ADGRB3: variants seen among roughly 807,000 people sequenced by gnomAD.
ADGRB3 encodes brain-specific angiogenesis inhibitor 3.
Under a neutral mutation model 193.4 loss-of-function variants are expected in ADGRB3, and 37 were observed. The observed-to-expected ratio is 0.19, with a 90% CI of 0.15 to 0.25. The LOEUF (loss-of-function observed/expected upper bound fraction) is 0.25, where lower values mean the gene tolerates loss of function less well. Ranked by LOEUF, ADGRB3 falls within the 10% of genes least tolerant of loss-of-function variation. The pLI, the probability that ADGRB3 is intolerant of heterozygous loss-of-function variation, is 1.00. For missense variants in ADGRB3, 1,637 were observed against 1,852.9 expected, an observed-to-expected ratio of 0.88 and a Z score of 2.14; for synonymous variants, 690 against 644.2, an observed-to-expected ratio of 1.07 and a Z score of -1.08.
At chr6:69,237,964 G>C (rs960989787) in intron 19 of ADGRB3, among the ~76,000 whole-genome samples, 1 of 152,032 alleles carries the variant, frequency 6.6e-6, no homozygotes, top group Non-Finnish European at 1.5e-5. Context: ...TTTGTTTTGT[G>C]ACCAAAGGGA....
intron 3 of ADGRB3, among the ~76,000 whole-genome samples, chr6:68,848,980 G>A (rs894790727): frequency 3.3e-5 from 5 of 151,866 alleles, no homozygotes; most frequent in African/African-American, 9.7e-5. Context: ...TCCTGAAATT[G>A]GAAGGAATAA....
intron 30 of ADGRB3, among the ~76,000 whole-genome samples, chr6:69,373,799 A>G (rs1364434318): frequency 6.6e-6 from 1 of 152,050 alleles, no homozygotes; most frequent in African/African-American, 2.4e-5. Flanking sequence ...GAAGGAATTA[A>G]CCCACTAGGC....
intron 3 of ADGRB3, among the ~76,000 whole-genome samples, chr6:68,879,333 C>T (rs1765674533): frequency 6.7e-6 from 1 of 148,446 alleles, no homozygotes; most frequent in African/African-American, 2.5e-5. Context: ...TCTGCTGCGT[C>T]AGCCTCCCCA....
At chr6:69,005,222 T>C (rs3799000) in intron 11 of ADGRB3, among the ~76,000 whole-genome samples, 76,611 of 151,104 alleles carry the variant, frequency 0.51, 19,682 homozygotes, top group Middle Eastern at 0.58. Context: ...TAGGCAATAC[T>C]GAGCTCATGC....
chr6:69,206,516 C>T (rs1316144422), intron 17 of ADGRB3, among the ~76,000 whole-genome samples: 1 of 152,054 alleles, frequency 6.6e-6, no homozygotes, highest in Non-Finnish European at 1.5e-5. Context: ...TTATACATAA[C>T]CTTCAGATAA....
At chr6:69,088,107 C>T (rs1772600809) in intron 17 of ADGRB3, among the ~76,000 whole-genome samples, 1 of 152,004 alleles carries the variant, frequency 6.6e-6, no homozygotes, top group Admixed American at 6.6e-5. Context: ...CCTATATGAT[C>T]CATTTCACTT....
intron 20 of ADGRB3, among the ~76,000 whole-genome samples, chr6:69,279,103 A>ATATATATC (rs1554188553): frequency 4.5e-5 from 6 of 134,754 alleles, no homozygotes; most frequent in South Asian, 2.4e-4. Flanking sequence ...ATATATATAT[A>ATATATATC]TATATATATA....
chr6:69,375,422 A>T (rs965779689), intron 30 of ADGRB3, among the ~76,000 whole-genome samples: 1 of 152,074 alleles, frequency 6.6e-6, no homozygotes, highest in Non-Finnish European at 1.5e-5. Context: ...GGCAGAATCT[A>T]TGGAATTTGG....
At chr6:68,868,397 C>CT (rs763543734) in intron 3 of ADGRB3, among the ~76,000 whole-genome samples, 12 of 152,176 alleles carry the variant, frequency 7.9e-5, no homozygotes, top group Non-Finnish European at 1.6e-4. Context: ...AATTAAACCT[C>CT]TTTTCTTTAT....
chr6:69,122,008 ACAGGG>A (rs1232441114), intron 17 of ADGRB3, among the ~76,000 whole-genome samples: 7 of 26,592 alleles, frequency 2.6e-4, no homozygotes, highest in East Asian at 0.013. Flanking sequence ...CACTTCCCAG[ACAGGG>A]TGGCAGCCAG....
At chr6:68,828,191 T>C (rs923204169) in intron 3 of ADGRB3, among the ~76,000 whole-genome samples, 1 of 152,180 alleles carries the variant, frequency 6.6e-6, no homozygotes, top group Non-Finnish European at 1.5e-5. Flanking sequence ...AGGTGCCTTT[T>C]TTTTTTCCTC....
At chr6:68,705,333 G>A (rs1255113736) in intron 3 of ADGRB3, among the ~76,000 whole-genome samples, 2 of 152,168 alleles carry the variant, frequency 1.3e-5, no homozygotes, top group Non-Finnish European at 2.9e-5. Context: ...CAATTGCACA[G>A]AGTAAATGCT....
chr6:68,968,799 A>G (rs1768469931), intron 8 of ADGRB3, among the ~76,000 whole-genome samples: 1 of 152,158 alleles, frequency 6.6e-6, no homozygotes, highest in African/African-American at 2.4e-5. Flanking sequence ...AGTATTCTAT[A>G]ATAGTTTTTG....
chr6:68,809,951 T>G (rs928427377), intron 3 of ADGRB3, among the ~76,000 whole-genome samples: 1 of 152,184 alleles, frequency 6.6e-6, no homozygotes, highest in Non-Finnish European at 1.5e-5. Context: ...TCATTTTTAC[T>G]TTTCTGCAAA....
At chr6:68,650,363 T>C (rs1561983001) in intron 3 of ADGRB3, among the ~76,000 whole-genome samples, 1 of 152,148 alleles carries the variant, frequency 6.6e-6, no homozygotes, top group Non-Finnish European at 1.5e-5. Flanking sequence ...CATCACAATT[T>C]TTAAAAATTG....
At chr6:68,920,804 C>A (rs1053985080) in intron 3 of ADGRB3, among the ~76,000 whole-genome samples, 6 of 151,648 alleles carry the variant, frequency 4.0e-5, no homozygotes, top group Non-Finnish European at 7.4e-5. Flanking sequence ...AAAAAAAAAT[C>A]TAATAGTTAA....
intron 16 of ADGRB3, among the ~76,000 whole-genome samples, chr6:69,068,927 A>G (rs1005795160): frequency 6.6e-6 from 1 of 151,984 alleles, no homozygotes; most frequent in Non-Finnish European, 1.5e-5. Context: ...CTTTAGCTAA[A>G]GCCAATTTTT....
intron 10 of ADGRB3, among the ~76,000 whole-genome samples, chr6:68,977,075 A>G (rs1018896429): frequency 6.7e-6 from 1 of 149,158 alleles, no homozygotes; most frequent in Non-Finnish European, 1.5e-5. Context: ...TATTATATGC[A>G]GATATATAAA....
At chr6:68,978,350 A>AGATG (rs1261017765) in intron 10 of ADGRB3, among the ~76,000 whole-genome samples, 2 of 150,970 alleles carry the variant, frequency 1.3e-5, no homozygotes, top group African/African-American at 4.9e-5. Context: ...ATAGGTAGGT[A>AGATG]GATACACAGA....
Sources: gnomAD v4.1 joint callset for allele counts (sites outside exome capture counted in the v4.1 genomes callset) on GRCh38, gnomAD v4.1.1 for gene constraint, MANE v1.5 for transcripts, NCBI Gene and HGNC (gene_info 2026-07-23, HGNC 2026-07-21) for gene names.